The following ARVCF variants were observed in gnomAD, a reference collection of about 807,000 sequenced individuals.
ARVCF encodes ARVCF delta catenin family member.
In ARVCF, 66 loss-of-function variants were observed where a neutral mutation model predicts 90.9. The observed-to-expected ratio is 0.73, with a 90% CI of 0.60 to 0.89. ARVCF has a LOEUF of 0.89. Among genes scored for constraint, ARVCF ranks in the 40% least tolerant of loss-of-function variants. ARVCF has a pLI of 0.00. For missense variants in ARVCF, 1,469 were observed against 1,382.3 expected, an observed-to-expected ratio of 1.06 and a Z score of -1.00; for synonymous variants, 653 against 603.4, an observed-to-expected ratio of 1.08 and a Z score of -1.21.
At chr22:19,966,464 C>CA (rs200834886), downstream of ARVCF, among the ~76,000 whole-genome samples, 2,091 of 148,966 alleles carry the variant, frequency 0.014, 52 homozygotes, top group African/African-American at 0.048. Context: ...AAGAAAAAGA[C>CA]AGAGTCTTGC....
chr22:20,002,425 A>C (rs753651412), intron 2 of ARVCF, among the ~76,000 whole-genome samples: 18 of 152,196 alleles, frequency 1.2e-4, no homozygotes, highest in African/African-American at 1.7e-4. Context: ...CGTCTCTCAC[A>C]GCTCAGAAGC....
intron 1 of ARVCF, among the ~76,000 whole-genome samples, chr22:20,011,810 T>A (rs533964928): frequency 2.2e-4 from 34 of 152,132 alleles, no homozygotes; most frequent in African/African-American, 8.0e-4. Context: ...AAACCTCTGG[T>A]TTTAGCTTAA....
At chr22:19,985,380 T>C (rs1943711355) in intron 3 of ARVCF, among the ~76,000 whole-genome samples, 2 of 152,194 alleles carry the variant, frequency 1.3e-5, no homozygotes, top group Admixed American at 6.5e-5. Flanking sequence ...ATGAGCTCCC[T>C]TGGGCTTGTG....
intron 3 of ARVCF, among the ~76,000 whole-genome samples, chr22:19,986,841 T>C (rs1310088592): frequency 6.6e-6 from 1 of 152,058 alleles, no homozygotes; most frequent in Non-Finnish European, 1.5e-5. Flanking sequence ...GCCCCGCGGA[T>C]GGGCTCCAGA....
In ARVCF at chr22:19,973,031, G is replaced by C. The variant is rs762879311; in HGVS notation, c.2444C>G (p.Ser815Trp). Residue 815 changes from serine (S) to tryptophan (W), a missense_variant, in exon 15 of 20, where the codon TCG becomes TGG. Physicochemically the swap from Ser to Trp is radical, Grantham distance 177 (BLOSUM62 -3). Coordinates refer to ENST00000263207, the MANE Select transcript of ARVCF (RefSeq NM_001670.3). ...TGACGCCGCCTTCGCTTCGCGTACC[G>C]ATTGGCTGTGGGGCCGGGGGCGGGG... ...ALVALVASSQ[S>W]VREAKAASHV... is the part of the protein sequence containing the mutation. The C allele has an allele frequency of 6.2e-7, 1 of 1,612,946 alleles. No individual in the cohort carries two copies. The highest frequency in any genetic ancestry group is 2.2e-5 in the East Asian group (1 of 44,844).
At chr22:19,967,031 G>T, downstream of ARVCF, 1 of 1,202,316 alleles carries the variant, frequency 8.3e-7, no homozygotes, top group South Asian at 1.6e-5. Context: ...AGTGTCGGGC[G>T]ACAGGCAGGA....
At chr22:19,974,819 G>A (rs1301033090) in intron 11 of ARVCF, among the ~76,000 whole-genome samples, 2 of 152,110 alleles carry the variant, frequency 1.3e-5, no homozygotes, top group African/African-American at 2.4e-5. Flanking sequence ...AGCAACAGGA[G>A]GCACTCTTCC....
intron 11 of ARVCF, 34 bp downstream of exon 11, chr22:19,975,652 C>T (rs997001094): frequency 5.6e-6 from 9 of 1,612,032 alleles, no homozygotes; most frequent in African/African-American, 1.3e-5. Flanking sequence ...CCAGACATCC[C>T]CCAGTGGAGC....
intron 9 of ARVCF, 79 bp from the exon 10 acceptor site, chr22:19,976,802 G>A: frequency 6.6e-7 from 1 of 1,504,048 alleles, no homozygotes; most frequent in Non-Finnish European, 9.0e-7. Flanking sequence ...TGCCCTCCCG[G>A]AAGCCTCAGG....
In ARVCF at chr22:19,980,127, G is replaced by A. The variant is rs759894174; in HGVS notation, c.1012C>T (p.Arg338Trp). The stretch of plus-strand genomic sequence containing the variant: ...ACTGAGGGCGAGCGCCGCACCAGCC[G>A]GTCCAGGCTGCCCATGCTGCCCCGT... Reference protein sequence around the residue: ...PERGSMGSLDRLVRRSPSVDS... With the variant: ...PERGSMGSLDWLVRRSPSVDS... The change falls in exon 6 of 20, where the codon CGG becomes TGG. Residue 338 changes from arginine (R) to tryptophan (W), a missense_variant. Arg to Trp is a moderately radical substitution (Grantham distance 101). Transcript: ENST00000263207. 2.5e-5 allele frequency: 39 copies of A among 1,591,458 alleles called. No individual in the cohort carries two copies. Among genetic ancestry groups the A allele is most frequent in the Middle Eastern group, 1.8e-4 (1 of 5,410 alleles).
chr22:19,971,604 G>A (rs1298711061), intron 18 of ARVCF, among the ~76,000 whole-genome samples: 1 of 152,314 alleles, frequency 6.6e-6, no homozygotes, highest in African/African-American at 2.4e-5. Context: ...ACCCTGGTGG[G>A]CTCTCACACG....
chr22:19,999,467 C>T (rs971118644), intron 2 of ARVCF, among the ~76,000 whole-genome samples: 1 of 152,206 alleles, frequency 6.6e-6, no homozygotes, highest in Non-Finnish European at 1.5e-5. Flanking sequence ...GCACTTGCTG[C>T]ACCCCCAATG....
At chr22:19,996,546 T>C (rs1307392135) in intron 2 of ARVCF, among the ~76,000 whole-genome samples, 1 of 152,046 alleles carries the variant, frequency 6.6e-6, no homozygotes, top group East Asian at 1.9e-4. Flanking sequence ...ACAAAGAAAA[T>C]GAAAAGACAA....
chr22:19,970,738 T>TGGGCCC lies in ARVCF; in HGVS notation c.*13-1_*17dup. 1 of 1,290,572 alleles carries TGGGCCC rather than the reference T, an allele frequency of 7.7e-7. No homozygotes were observed. The highest frequency in any genetic ancestry group is 1.0e-6 in the Non-Finnish European group (1 of 989,504). 79.9% of individuals were successfully genotyped at this position (1,290,572 alleles called of 1,614,324 possible). On this transcript the variant is annotated 3_prime_UTR_variant, in exon 20 of 20. Transcript: ENST00000263207. ...AGCCCTAAGAACAAGAGGCTGGGCC[T>TGGGCCC]GGGCCCTGCAGAGGGAAAGGGGATG...
chr22:19,971,561 ACAGCAGG>A (rs1480951863), intron 18 of ARVCF, among the ~76,000 whole-genome samples: 1 of 152,188 alleles, frequency 6.6e-6, no homozygotes, highest in African/African-American at 2.4e-5. Flanking sequence ...GGATTGGCAC[ACAGCAGG>A]CAGCAGGTCC....
At chr22:19,981,134 G>A in intron 5 of ARVCF, 77 bp downstream of exon 5, 2 of 1,442,532 alleles carry the variant, frequency 1.4e-6, no homozygotes, top group South Asian at 1.5e-5. Context: ...CACTTGACAA[G>A]TGGGGCACTC....
Position 19,981,943 on chromosome 22 carries a change from G to A in ARVCF, c.359C>T (p.Thr120Ile). The change falls in exon 4 of 20, where the codon ACC (threonine) becomes ATC (isoleucine). Residue 120 changes from threonine to isoleucine, a missense_variant. Coordinates refer to ENST00000263207, the MANE Select transcript of ARVCF (RefSeq NM_001670.3). ...TGGGCCTGGCCATACCTTGGTCTCG[G>A]TGCGCCGGGTTGTGCCATCTTCGGA... is the stretch of plus-strand genomic sequence containing the variant. ...VTSEDGTTRRTETKVTKTVKT... is the reference protein window; with the variant it reads ...VTSEDGTTRRIETKVTKTVKT... The A allele has an allele frequency of 1.2e-6, 2 of 1,612,682 alleles. No individual in the cohort carries two copies. Among genetic ancestry groups the A allele is most frequent in the Non-Finnish European group, 1.7e-6 (2 of 1,179,826 alleles).
intron 17 of ARVCF, 54 bp from the exon 18 acceptor site, chr22:19,972,025 G>T (rs958185621): frequency 6.8e-7 from 1 of 1,480,662 alleles, no homozygotes; most frequent in Non-Finnish European, 9.2e-7. Flanking sequence ...GGCCCTGTAG[G>T]AGCAGATCTC....
Position 19,972,994 on chromosome 22 carries a change from C to G in ARVCF, c.2481G>C (p.Gln827His). The change falls in exon 15 of 20, where the codon CAG becomes CAC. Residue 827 changes from glutamine (Q) to histidine (H), a missense_variant. Coordinates refer to ENST00000263207, the MANE Select transcript of ARVCF (RefSeq NM_001670.3). ...GCAGCTCCTTGTAGCTCCACACTGT[C>G]TGCAGCACGTGTGACGCCGCCTTCG... The part of the protein sequence containing the change: ...REAKAASHVL[Q>H]TVWSYKELRG... 6.2e-7 allele frequency: 1 copy of G among 1,613,630 alleles called. No homozygotes were observed. The highest frequency in any genetic ancestry group is 1.1e-5 in the South Asian group (1 of 91,086).
Sources: gnomAD v4.1 joint callset for allele counts (sites outside exome capture counted in the v4.1 genomes callset) on GRCh38, gnomAD v4.1.1 for gene constraint, MANE v1.5 for transcripts, NCBI Gene and HGNC (gene_info 2026-07-23, HGNC 2026-07-21) for gene names.